Variants in PALD1 observed in about 807,000 individuals in gnomAD.
The protein encoded by PALD1 is phosphatase domain containing paladin 1.
PALD1 carries 57 observed loss-of-function variants against 96.0 expected under a neutral mutation model. The observed-to-expected ratio is 0.59, with a 90% CI of 0.48 to 0.74. PALD1 has a LOEUF of 0.74. Among genes scored for constraint, PALD1 ranks in the 30% least tolerant of loss-of-function variants. The probability of loss-of-function intolerance (pLI) is 0.00; values close to 1 mark genes in which losing one functional copy is unlikely to be tolerated. For missense variants in PALD1, 1,063 were observed against 1,143.7 expected (o/e 0.93, Z 1.02); for synonymous variants, 464 against 473.6 (o/e 0.98, Z 0.26).
At chr10:70,478,303 C>T (rs1322351137), upstream of PALD1, among the ~76,000 whole-genome samples, 1 of 152,174 alleles carries the variant, frequency 6.6e-6, no homozygotes, top group African/African-American at 2.4e-5. Context: ...CCGCACTGCA[C>T]AGCGAGGCCG....
chr10:70,468,750 G>GTT, the PALD1 span, among the ~76,000 whole-genome samples: 1 of 137,408 alleles, frequency 7.3e-6, no homozygotes, highest in African/African-American at 2.7e-5. Context: ...GTGTGTGTGT[G>GTT]TTTTGAGATG....
chr10:70,526,227 G>A (rs112793914), intron 2 of PALD1, 91 bp downstream of exon 2: 24,028 of 1,032,940 alleles, frequency 0.023, 1,192 homozygotes, highest in African/African-American at 0.18. Flanking sequence ...AGCACTTAAC[G>A]CTTGCAGACT....
chr10:70,534,526 TGA>T lies in PALD1; in HGVS notation c.1122+4_1122+5del, dbSNP rs1847068751. 1.9e-6 allele frequency: 3 copies of T among 1,604,848 alleles called. No individual in the cohort carries two copies. In the Admixed American group the frequency reaches 5.0e-5, roughly 27 times the overall value. ...CAGGGAAGGAGGATGGTGGAAGAGG[TGA>T]GTGAGGGACAGCAAAGGGCTGGGGC... On this transcript the variant is annotated splice_donor_region_variant and intron_variant, in intron 9 of 19. Coordinates refer to ENST00000263563, the MANE Select transcript of PALD1 (RefSeq NM_014431.3).
the PALD1 span, among the ~76,000 whole-genome samples, chr10:70,467,995 T>C: frequency 6.6e-6 from 1 of 152,182 alleles, no homozygotes; most frequent in Non-Finnish European, 1.5e-5. Flanking sequence ...CTGAGGACAG[T>C]ACCTTGTGAT....
intron 1 of PALD1, among the ~76,000 whole-genome samples, chr10:70,506,639 C>T (rs999323972): frequency 1.3e-5 from 2 of 152,160 alleles, no homozygotes; most frequent in East Asian, 1.9e-4. Context: ...AAATCCTGCT[C>T]AAGGTGCTAA....
chr10:70,491,418 C>T (rs1846096604), intron 1 of PALD1, among the ~76,000 whole-genome samples: 1 of 150,868 alleles, frequency 6.6e-6, no homozygotes, highest in East Asian at 1.9e-4. Flanking sequence ...TCCCCACCTG[C>T]TTTTTTTTTC....
At chr10:70,513,214 G>A (rs543862671) in intron 1 of PALD1, among the ~76,000 whole-genome samples, 10 of 152,140 alleles carry the variant, frequency 6.6e-5, no homozygotes, top group African/African-American at 2.4e-4. Flanking sequence ...GAAAGAGTTC[G>A]CCGGGTGCGG....
chr10:70,471,845 C>G, the PALD1 span, among the ~76,000 whole-genome samples: 2 of 152,230 alleles, frequency 1.3e-5, no homozygotes, highest in East Asian at 3.8e-4. Flanking sequence ...CTTTGAGGCT[C>G]AGAGAGTGGT....
Position 70,484,576 on chromosome 10 carries a change from G to T in PALD1, c.-30+5517G>T, listed in dbSNP as rs1175189496. 5.3e-5 allele frequency among the ~76,000 whole-genome samples: 8 copies of T among 150,544 alleles called. No homozygotes were observed. The East Asian group carries it at 1.6e-3, about 30-fold the overall frequency. ...TTTTTTTGAGACAGAGTCTCGGTCTGTTACCCAGGCTGGAGTGCAGTGGCG... is the reference window on the plus strand; with the variant it reads ...TTTTTTTGAGACAGAGTCTCGGTCTTTTACCCAGGCTGGAGTGCAGTGGCG... On this transcript the variant is annotated intron_variant, in intron 1 of 19. Transcript: ENST00000263563.
intron 1 of PALD1, among the ~76,000 whole-genome samples, chr10:70,515,648 CTG>C (rs1172230069): frequency 6.6e-6 from 1 of 152,210 alleles, no homozygotes; most frequent in Non-Finnish European, 1.5e-5. Context: ...CCTCGCTGTG[CTG>C]TGTGTCGGGC....
Position 70,534,039 on chromosome 10 carries a change from C to G in PALD1, c.988C>G (p.Leu330Val), listed in dbSNP as rs777712251. Residue 330 changes from leucine to valine, a missense_variant, in exon 8 of 20, where the codon CTG becomes GTG. Transcript: ENST00000263563. Reference protein sequence around the residue: ...NLGMVLGTLILLHRSGTTSQP... With the variant: ...NLGMVLGTLIVLHRSGTTSQP... ...GGGCATGGTCCTGGGCACCCTCATCCTGCTTCACCGCAGTGGGACCACCTC... is the reference window on the plus strand; with the variant it reads ...GGGCATGGTCCTGGGCACCCTCATCGTGCTTCACCGCAGTGGGACCACCTC... 10 of 1,611,088 alleles carry G rather than the reference C, an allele frequency of 6.2e-6. No homozygotes were observed. The highest frequency in any genetic ancestry group is 1.1e-5 in the South Asian group (1 of 90,626).
chr10:70,485,019 A>G (rs184454366), intron 1 of PALD1, among the ~76,000 whole-genome samples: 72 of 152,310 alleles, frequency 4.7e-4, no homozygotes, highest in Admixed American at 3.7e-3. Context: ...AAGAAATCCC[A>G]TTTTTAGCAG....
intron 1 of PALD1, among the ~76,000 whole-genome samples, chr10:70,504,024 G>T (rs960749918): frequency 1.3e-5 from 2 of 152,194 alleles, no homozygotes; most frequent in Non-Finnish European, 2.9e-5. Context: ...GCACCCTTGG[G>T]GCAAGTTAAC....
chr10:70,469,989 T>C, the PALD1 span, among the ~76,000 whole-genome samples: 1 of 152,178 alleles, frequency 6.6e-6, no homozygotes, highest in East Asian at 1.9e-4. Context: ...GAACAGGGTT[T>C]CACCATGTTG....
the PALD1 span, among the ~76,000 whole-genome samples, chr10:70,467,318 G>C: frequency 6.6e-6 from 1 of 152,032 alleles, no homozygotes; most frequent in African/African-American, 2.4e-5. Context: ...GGAGAAGCCT[G>C]GGGGTGGGGG....
chr10:70,490,409 A>G (rs557319354), intron 1 of PALD1, among the ~76,000 whole-genome samples: 49 of 152,276 alleles, frequency 3.2e-4, no homozygotes, highest in African/African-American at 1.1e-3. Context: ...TTTTTAATAG[A>G]GACAAGGTCT....
At chr10:70,560,507 T>G (rs4747055) in intron 18 of PALD1, among the ~76,000 whole-genome samples, 2 of 152,082 alleles carry the variant, frequency 1.3e-5, no homozygotes, top group Non-Finnish European at 2.9e-5. Flanking sequence ...CCTCCTTCAC[T>G]GGGTTGCTAG....
intron 18 of PALD1, among the ~76,000 whole-genome samples, chr10:70,561,237 G>A (rs942563008): frequency 9.2e-5 from 14 of 152,352 alleles, no homozygotes; most frequent in South Asian, 6.2e-4. Flanking sequence ...TGGTGCGGTC[G>A]TGTCCATGGC....
Position 70,540,505 on chromosome 10 carries a change from T to G in PALD1, c.1909-597T>G, listed in dbSNP as rs1213264847. ...CGGACGTGGATCCCTGTGTGGTGCGTGTGTCTGGCGTGTGTTGTAGGTGAG... is the reference window on the plus strand; with the variant it reads ...CGGACGTGGATCCCTGTGTGGTGCGGGTGTCTGGCGTGTGTTGTAGGTGAG... On this transcript the variant is annotated intron_variant, in intron 15 of 19. Transcript: ENST00000263563. This position sits in a 1 kb window ranked among gnomAD's most constrained non-coding sequence, Gnocchi z 4.2. 6.6e-6 allele frequency among the ~76,000 whole-genome samples: 1 copy of G among 151,958 alleles called. No homozygotes were observed. The highest frequency in any genetic ancestry group is 1.5e-5 in the Non-Finnish European group (1 of 67,984).
Sources: allele counts gnomAD v4.1 joint callset (sites outside exome capture counted in the v4.1 genomes callset), GRCh38; gene constraint gnomAD v4.1.1; non-coding constraint Gnocchi (gnomAD v3.1); transcripts MANE v1.5; gene names NCBI Gene and HGNC (gene_info 2026-07-23, HGNC 2026-07-21).